Variants in PLEC observed in about 807,000 individuals in gnomAD.
PLEC encodes hemidesmosomal protein 1.
Under a neutral mutation model 392.8 loss-of-function variants are expected in PLEC, and 216 were observed. That is an observed-to-expected ratio of 0.55 (90% CI 0.49 to 0.62). The LOEUF is 0.62. Among genes scored for constraint, PLEC ranks in the 20% least tolerant of loss-of-function variants. PLEC has a pLI of 0.00. For missense variants in PLEC, 6,863 were observed against 6,563.4 expected, an observed-to-expected ratio of 1.05 and a Z score of -1.58; for synonymous variants, 3,621 against 2,980.6, an observed-to-expected ratio of 1.21 and a Z score of -7.00.
chr8:143,917,557 CT>C lies in PLEC; in HGVS notation c.12263del (p.Lys4088ArgfsTer17), dbSNP rs1563932241. ...CCTCCGTGTTAGGGTCAAAGAAGCCCTTGGTGTCGTCCGAGGGGTCGGTCAG... is the reference window on the plus strand; with the variant it reads ...CCTCCGTGTTAGGGTCAAAGAAGCCCTGGTGTCGTCCGAGGGGTCGGTCAG... ...EILTDPSDDTKGFFDPNTEEN... is the reference protein window; with the variant it reads ...EILTDPSDDTXGFFDPNTEEN... On this transcript the variant is annotated frameshift_variant, in exon 32 of 32. Coordinates refer to ENST00000345136, the MANE Select transcript of PLEC (RefSeq NM_201384.3). LOFTEE classifies it high-confidence loss of function. The C allele has an allele frequency of 6.2e-7, 1 of 1,613,938 alleles. No homozygotes were observed.
At chr8:143,955,243 G>C (rs113821492), upstream of PLEC, among the ~76,000 whole-genome samples, 1 of 152,298 alleles carries the variant, frequency 6.6e-6, no homozygotes, top group East Asian at 1.9e-4. Flanking sequence ...TTGGGAGGCC[G>C]AGGCAGGTGG....
rs373564804 is a variant in PLEC, at chr8:143,919,231, G to A, written c.10590C>T (p.Cys3530=). The part of the protein sequence containing the change: ...NLTYRQLLER[C]VEDPETGLRL... ...GCAAGCCCGTCTCGGGGTCCTCCAC[G>A]CACCGCTCCAGCAGCTGCCTGTACG... Residue 3530 remains cysteine (C), a synonymous_variant, in exon 32 of 32, where the codon TGC becomes TGT. Transcript: ENST00000345136. 1.1e-5 allele frequency: 18 copies of A among 1,613,746 alleles called. No individual in the cohort carries two copies. Among genetic ancestry groups the A allele is most frequent in the African/African-American group, 1.3e-5 (1 of 74,940 alleles).
upstream of PLEC, among the ~76,000 whole-genome samples, chr8:143,955,421 C>T (rs1418793847): frequency 2.0e-5 from 3 of 152,174 alleles, no homozygotes; most frequent in Non-Finnish European, 4.4e-5. Flanking sequence ...GCTGAGGTTG[C>T]AGTGAGCCGA....
rs868963575 is a variant in PLEC at position 143,923,691 on chromosome 8, G to A, written c.6238C>T (p.Arg2080Cys). ...CGCCGGGCCGCCTCCGCCTCGCCGC[G>A]CAGCTGGTCCAGCACGCTCTGCTCC... ...QQEQSVLDQL[R>C]GEAEAARRAA... Residue 2080 changes from arginine to cysteine, a missense_variant, in exon 31 of 32, where the codon CGC (arginine) becomes TGC (cysteine). Transcript: ENST00000345136. The A allele has an allele frequency of 9.7e-6, 15 of 1,545,924 alleles. No individual in the cohort carries two copies. Among genetic ancestry groups the A allele is most frequent in the Middle Eastern group, 1.7e-4 (1 of 5,872 alleles).
intron 1 of PLEC, among the ~76,000 whole-genome samples, chr8:143,970,053 G>A (rs1833339515): frequency 6.6e-6 from 1 of 152,064 alleles, no homozygotes; most frequent in Non-Finnish European, 1.5e-5. Flanking sequence ...CACTGTGCCT[G>A]GCCCCCTCCT....
chr8:143,924,314 T>A lies in PLEC; in HGVS notation c.5615A>T (p.Asp1872Val). The change falls in exon 31 of 32, where the codon GAC becomes GTC. Residue 1872 changes from aspartate to valine, a missense_variant. Transcript: ENST00000345136. ...CAGCCGCCGCCGCTGGAAGGCCTCG[T>A]CCTCCGCCAGCCGCCGCAGGCGCTC... ...ENERLRRLAE[D>V]EAFQRRRLEE... 6.3e-7 allele frequency: 1 copy of A among 1,595,028 alleles called. No homozygotes were observed. The highest frequency in any genetic ancestry group is 1.1e-5 in the South Asian group (1 of 90,754).
intron 17 of PLEC, 38 bp downstream of exon 17, chr8:143,932,092 C>A (rs782261800): frequency 1.3e-6 from 2 of 1,556,038 alleles, no homozygotes; most frequent in Non-Finnish European, 1.7e-6. Context: ...CCCGGCACGG[C>A]CCCCCCCGCA....
At chr8:143,975,698 C>T (rs1833637915), upstream of PLEC, among the ~76,000 whole-genome samples, 1 of 152,132 alleles carries the variant, frequency 6.6e-6, no homozygotes, top group Middle Eastern at 3.4e-3. This position sits in a 1 kb window ranked among gnomAD's most constrained non-coding sequence, Gnocchi z 9.9. Flanking sequence ...CCCTGGCCAC[C>T]CCCACTCCCA....
In PLEC at chr8:143,934,455, G is replaced by A. The variant is rs781916761; in HGVS notation, c.1042-10C>T. On this transcript the variant is annotated splice_polypyrimidine_tract_variant and intron_variant, in intron 10 of 31. Transcript: ENST00000345136. ...CTGCTTGCACCGCTCCCTGTAGACA[G>A]GGGCCACACTCAGGCCCTATAGGCA... is the stretch of plus-strand genomic sequence containing the variant. 1 of 1,610,562 alleles carries A rather than the reference G, an allele frequency of 6.2e-7. No homozygotes were observed. Among genetic ancestry groups the A allele is most frequent in the African/African-American group, 1.3e-5 (1 of 74,942 alleles).
rs782367633 is a variant in PLEC at position 143,919,029 on chromosome 8, C to T, written c.10792G>A (p.Glu3598Lys). ...WEVMQSDLIPEEQRAQLMADF... is the reference protein window; with the variant it reads ...WEVMQSDLIPKEQRAQLMADF... ...GCCATCAGCTGGGCCCGCTGCTCCT[C>T]GGGGATCAGGTCCGACTGCATCACC... Residue 3598 changes from glutamate to lysine, a missense_variant, in exon 32 of 32, where the codon GAG becomes AAG. Physicochemically the swap from Glu to Lys is moderately conservative, Grantham distance 56. Coordinates refer to ENST00000345136, the MANE Select transcript of PLEC (RefSeq NM_201384.3). 25 of 1,611,236 alleles carry T rather than the reference C, an allele frequency of 1.6e-5. No individual in the cohort carries two copies. Among genetic ancestry groups the T allele is most frequent in the Admixed American group, 1.5e-4 (9 of 60,034 alleles).
At chr8:143,971,389 G>C (rs1402341508) in intron 1 of PLEC, among the ~76,000 whole-genome samples, 1 of 152,146 alleles carries the variant, frequency 6.6e-6, no homozygotes, top group South Asian at 2.1e-4. Context: ...GCTTACCATG[G>C]AGGGATTTGG....
chr8:143,920,395 G>T lies in PLEC; in HGVS notation c.9426C>A (p.Gly3142=). 6.3e-7 allele frequency: 1 copy of T among 1,591,600 alleles called. No homozygotes were observed. ...GGTGGCTCTTGCTGGGGTCCACGAT[G>T]CCGCCCGTGGACAGCTGGGCGTCCA... ...RLLDAQLSTG[G]IVDPSKSHRV... Residue 3142 remains glycine (G), a synonymous_variant, in exon 32 of 32, where the codon GGC becomes GGA. Coordinates refer to ENST00000345136, the MANE Select transcript of PLEC (RefSeq NM_201384.3).
At chr8:143,949,164 G>A (rs1489018498) in intron 1 of PLEC, among the ~76,000 whole-genome samples, 1 of 152,166 alleles carries the variant, frequency 6.6e-6, no homozygotes, top group African/African-American at 2.4e-5. Context: ...GGGCAGCTGC[G>A]CCCTAAACTT....
chr8:143,935,358 C>G lies in PLEC; in HGVS notation c.603-45G>C, dbSNP rs143885660. The G allele has an allele frequency of 2.2e-6, 3 of 1,355,920 alleles. No homozygotes were observed. The East Asian group carries it at 7.0e-5, about 32-fold the overall frequency. 84.0% of individuals were successfully genotyped at this position (1,355,920 alleles called of 1,614,324 possible). A position where few individuals can be genotyped will look rare whatever the true frequency, so the allele number is the denominator to read the frequency against. On this transcript the variant is annotated intron_variant, in intron 6 of 31. Transcript: ENST00000345136. ...GGTCAGGTGGGTGGGACAAGACCAG[C>G]GGCCACACCACACAGGCGGGTGCAC...
chr8:143,922,097 T>C lies in PLEC; in HGVS notation c.7724A>G (p.Gln2575Arg), dbSNP rs533583676. 6 of 1,564,016 alleles carry C rather than the reference T, an allele frequency of 3.8e-6. 1 individual carries two copies. In the East Asian group the frequency reaches 7.0e-5, roughly 18 times the overall value. ...GVRRKQEELQ[Q>R]LEQQRRQQEE... is the part of the protein sequence containing the mutation. ...CTGCTGCCGCCGCTGCTGCTCCAGC[T>C]GCTGCAGCTCCTCCTGCTTGCGCCG... The change falls in exon 32 of 32, where the codon CAG (glutamine) becomes CGG (arginine). Residue 2575 changes from glutamine to arginine, a missense_variant. Coordinates refer to ENST00000345136, the MANE Select transcript of PLEC (RefSeq NM_201384.3).
chr8:143,928,109 G>A (rs138263219), intron 25 of PLEC, 117 bp from the exon 26 acceptor site: 1 of 1,301,686 alleles, frequency 7.7e-7, no homozygotes, highest in Non-Finnish European at 1.0e-6. Context: ...CCCAACCCTG[G>A]GGGTCAGCTG....
Position 143,930,066 on chromosome 8 carries a change from G to A in PLEC, c.2613-4C>T, listed in dbSNP as rs370001506. On this transcript the variant is annotated splice_polypyrimidine_tract_variant and splice_region_variant and intron_variant, in intron 21 of 31. Transcript: ENST00000345136. ...GGCCTGGTGCTGGGCCTCCAGCCTG[G>A]CAGGTCAGGGCTACAGTCAGCGTCA... The A allele has an allele frequency of 7.0e-5, 112 of 1,609,768 alleles. No individual in the cohort carries two copies. The African/African-American group carries it at 1.4e-3, about 20-fold the overall frequency.
At chr8:143,971,747 G>A (rs1436966698) in intron 1 of PLEC, among the ~76,000 whole-genome samples, 1 of 152,164 alleles carries the variant, frequency 6.6e-6, no homozygotes, top group Non-Finnish European at 1.5e-5. Flanking sequence ...CATGCGGGCA[G>A]CTGCACCATC....
At position 143,972,918 on chromosome 8, in the gene PLEC, T is replaced by TG. The variant is rs552131155; in HGVS notation, c.70+484dup. Among the ~76,000 whole-genome samples, 962 of 151,758 alleles carry TG rather than the reference T, an allele frequency of 6.3e-3. 6 individuals are homozygous for TG. Among genetic ancestry groups the TG allele is most frequent in the African/African-American group, 0.018 (752 of 41,418 alleles). On this transcript the variant is annotated intron_variant, in intron 1 of 31. Coordinates refer to the PLEC transcript ENST00000356346. ...TCCCCTAGTGAACAGAGAAGGGGTG[T>TG]GGGGGGGGTGCCCTGCCAAGGAAGG... is the stretch of plus-strand genomic sequence containing the variant.
Sources: gnomAD v4.1 joint callset for allele counts (sites outside exome capture counted in the v4.1 genomes callset) on GRCh38, gnomAD v4.1.1 for gene constraint, Gnocchi (gnomAD v3.1) non-coding constraint, MANE v1.5 for transcripts, NCBI Gene and HGNC (gene_info 2026-07-23, HGNC 2026-07-21) for gene names.